GORASP1: variants seen among roughly 807,000 people sequenced by gnomAD.
GORASP1 encodes the protein Golgi reassembly-stacking protein 1.
Under a neutral mutation model 37.7 loss-of-function variants are expected in GORASP1, and 31 were observed. The observed-to-expected ratio is 0.82, with a 90% confidence interval of 0.62 to 1.11. The LOEUF (loss-of-function observed/expected upper bound fraction) is 1.11. Among genes scored for constraint, GORASP1 ranks in the 50% least tolerant of loss-of-function variants. The pLI is 0.00. For synonymous variants in GORASP1, 204 were observed against 224.8 expected (o/e 0.91, Z 0.83); for missense variants, 476 against 560.7 (o/e 0.85, Z 1.53).
Position 39,097,122 on chromosome 3 carries a change from T to G in GORASP1, c.*1114A>C, listed in dbSNP as rs2035393347. On this transcript the variant is annotated 3_prime_UTR_variant, in exon 9 of 9. Transcript: ENST00000319283. ...CCCCCAGAGCAGACATTCCTTGTCC[T>G]GCATACCTGACACAGCTTGTGAGTT... 1 of 152,284 alleles carries G rather than the reference T, an allele frequency of 6.6e-6. No individual in the cohort carries two copies. The highest frequency in any genetic ancestry group is 2.4e-5 in the African/African-American group (1 of 41,472). 9.4% of individuals were successfully genotyped at this position (152,284 alleles called of 1,614,324 possible).
intron 1 of GORASP1, among the ~76,000 whole-genome samples, chr3:39,104,211 G>GC (rs2035897945): frequency 1.3e-5 from 2 of 152,174 alleles, no homozygotes; most frequent in South Asian, 2.1e-4. Context: ...GGACTGAGGA[G>GC]CCCCCCAGTG....
Position 39,103,456 on chromosome 3 carries a change from CAGGT to C in GORASP1, c.144+13_144+16del. The C allele has an allele frequency of 1.9e-6, 3 of 1,601,184 alleles. No individual in the cohort carries two copies. In the East Asian group the frequency reaches 6.7e-5, roughly 36 times the overall value. On this transcript the variant is annotated intron_variant, in intron 2 of 8. Coordinates refer to ENST00000319283, the MANE Select transcript of GORASP1 (RefSeq NM_031899.4). This position sits in a 1 kb window ranked among gnomAD's most constrained non-coding sequence, Gnocchi z 5.2. ...CACACATAAGCAAGCAAAGCAGAGG[CAGGT>C]TGGGGAACTCACCAGCCTCGAGTGC... is the stretch of plus-strand genomic sequence containing the variant.
At position 39,103,144 on chromosome 3, in the gene GORASP1, G is replaced by A; in HGVS notation, c.145-263C>T. ...AACAAAGCAAGCAAAAAGCCTCCCA[G>A]ATCCACAGCATTCCAGTGCTGCCCC... On this transcript the variant is annotated intron_variant, in intron 2 of 8. Transcript: ENST00000319283. This position sits in a 1 kb window ranked among gnomAD's most constrained non-coding sequence, Gnocchi z 5.2. 1 of 598,046 alleles carries A rather than the reference G, an allele frequency of 1.7e-6. No homozygotes were observed. The highest frequency in any genetic ancestry group is 3.0e-6 in the Non-Finnish European group (1 of 336,180). 37.0% of individuals were successfully genotyped at this position (598,046 alleles called of 1,614,324 possible).
At chr3:39,104,434 G>C (rs1399893355) in intron 1 of GORASP1, among the ~76,000 whole-genome samples, 1 of 152,196 alleles carries the variant, frequency 6.6e-6, no homozygotes, top group Non-Finnish European at 1.5e-5. Context: ...AACAATGCAG[G>C]CTTTGTCCCA....
rs2035453104 is a variant in GORASP1, at chr3:39,098,214, G to A, written c.*22C>T. 2.5e-6 allele frequency: 4 copies of A among 1,609,460 alleles called. No individual in the cohort carries two copies. The highest frequency in any genetic ancestry group is 3.4e-6 in the Non-Finnish European group (4 of 1,177,428). ...CTGGGCCTCATGAAATGTCATCATG[G>A]GCCTTGTCACAGCCCAGGGTGTTAT... is the stretch of plus-strand genomic sequence containing the variant. On this transcript the variant is annotated 3_prime_UTR_variant, in exon 9 of 9. Transcript: ENST00000319283. The surrounding 1 kb of genome is among the most constrained non-coding windows in gnomAD (Gnocchi z 4.7).
rs1376276732 is a variant in GORASP1 at position 39,103,121 on chromosome 3, C to T, written c.145-240G>A. On this transcript the variant is annotated intron_variant, in intron 2 of 8. Coordinates refer to ENST00000319283, the MANE Select transcript of GORASP1 (RefSeq NM_031899.4). This position sits in a 1 kb window ranked among gnomAD's most constrained non-coding sequence, Gnocchi z 5.2. Reference sequence around the variant, plus strand: ...ACCTTCCTCAGCCTGCCAGAAAAAACAAAGCAAGCAAAAAGCCTCCCAGAT... The same window carrying T: ...ACCTTCCTCAGCCTGCCAGAAAAAATAAAGCAAGCAAAAAGCCTCCCAGAT... 5 of 603,078 alleles carry T rather than the reference C, an allele frequency of 8.3e-6. No individual in the cohort carries two copies. The highest frequency in any genetic ancestry group is 1.9e-5 in the African/African-American group (1 of 53,956). The allele number at this position is 603,078 out of a possible 1,614,324, so 37.4% of individuals were successfully genotyped here.
chr3:39,099,617 C>A, intron 6 of GORASP1, 114 bp from the exon 7 acceptor site: 1 of 1,123,552 alleles, frequency 8.9e-7, no homozygotes, highest in Non-Finnish European at 1.3e-6. Context: ...ACTGCTCTGC[C>A]TAAAGGAAGG....
intron 6 of GORASP1, 21 bp from the exon 7 acceptor site, chr3:39,099,524 G>A (rs745442098): frequency 6.2e-7 from 1 of 1,603,884 alleles, no homozygotes; most frequent in Admixed American, 1.7e-5. Flanking sequence ...AGAAGAAATG[G>A]GTAGGGGACA....
In GORASP1 at chr3:39,102,792, C is replaced by T. The variant is rs2035804708; in HGVS notation, c.234G>A (p.Arg78=). 3 of 1,614,232 alleles carry T rather than the reference C, an allele frequency of 1.9e-6. No homozygotes were observed. Among genetic ancestry groups the T allele is most frequent in the Non-Finnish European group, 2.5e-6 (3 of 1,180,048 alleles). Residue 78 remains arginine, a synonymous_variant, in exon 3 of 9, where the codon AGG becomes AGA. Transcript: ENST00000319283. The surrounding 1 kb of genome is among the most constrained non-coding windows in gnomAD (Gnocchi z 5.0). ...KLEVFNMKTM[R]VREVEVVPSN... ...TGGGCACCACCTCCACCTCGCGCACCCTCATGGTCTTCATATTGAACACCT... is the reference window on the plus strand; with the variant it reads ...TGGGCACCACCTCCACCTCGCGCACTCTCATGGTCTTCATATTGAACACCT...
At chr3:39,099,671 AG>A (rs1237989738) in intron 6 of GORASP1, among the ~76,000 whole-genome samples, 168 bp from the exon 7 acceptor site, 1 of 152,170 alleles carries the variant, frequency 6.6e-6, no homozygotes, top group Non-Finnish European at 1.5e-5. Flanking sequence ...GGTGATAGGA[AG>A]TCAGGCCTGA....
chr3:39,100,630 G>C lies in GORASP1; in HGVS notation c.566+117C>G. The C allele has an allele frequency of 6.7e-7, 1 of 1,491,204 alleles. No individual in the cohort carries two copies. The highest frequency in any genetic ancestry group is 9.0e-7 in the Non-Finnish European group (1 of 1,106,346). The allele number at this position is 1,491,204 out of a possible 1,614,324, so 92.4% of individuals were successfully genotyped here. On this transcript the variant is annotated intron_variant, in intron 5 of 8. Transcript: ENST00000319283. This position sits in a 1 kb window ranked among gnomAD's most constrained non-coding sequence, Gnocchi z 4.6. The stretch of plus-strand genomic sequence containing the variant: ...ACTTCTGAAATACCGGTCAGCCTCA[G>C]GATCCCTGGGCCCAGGGCCCAACCC...
At position 39,098,907 on chromosome 3, in the gene GORASP1, G is replaced by C; in HGVS notation, c.917-14C>G. On this transcript the variant is annotated splice_polypyrimidine_tract_variant and intron_variant, in intron 7 of 8. Coordinates refer to ENST00000319283, the MANE Select transcript of GORASP1 (RefSeq NM_031899.4). This position sits in a 1 kb window ranked among gnomAD's most constrained non-coding sequence, Gnocchi z 4.7. ...CGTCCAGGAAGCCTAGGGGAGGGTGGTGCAGTTCTTTGCCAGCAAGAAACC... is the reference window on the plus strand; with the variant it reads ...CGTCCAGGAAGCCTAGGGGAGGGTGCTGCAGTTCTTTGCCAGCAAGAAACC... 6.2e-7 allele frequency: 1 copy of C among 1,613,348 alleles called. No homozygotes were observed. The highest frequency in any genetic ancestry group is 8.5e-7 in the Non-Finnish European group (1 of 1,179,698).
Position 39,099,436 on chromosome 3 carries a change from CTG to C in GORASP1, c.831_832del (p.His277GlnfsTer6). On this transcript the variant is annotated frameshift_variant, in exon 7 of 9. Coordinates refer to ENST00000319283, the MANE Select transcript of GORASP1 (RefSeq NM_031899.4). LOFTEE classifies it high-confidence loss of function. ...GGGAAGTCCATCAGGGTCTGGAGCA[CTG>C]TGGCTGGGACTCCCAGGCCCAGGAA... 1 of 1,612,420 alleles carries C rather than the reference CTG, an allele frequency of 6.2e-7. No individual in the cohort carries two copies. Among genetic ancestry groups the C allele is most frequent in the Non-Finnish European group, 8.5e-7 (1 of 1,179,338 alleles).
chr3:39,101,109 A>G lies in GORASP1; in HGVS notation c.349-7T>C. The G allele has an allele frequency of 6.2e-7, 1 of 1,613,950 alleles. No homozygotes were observed. Among genetic ancestry groups the G allele is most frequent in the Non-Finnish European group, 8.5e-7 (1 of 1,179,848 alleles). On this transcript the variant is annotated splice_region_variant and splice_polypyrimidine_tract_variant and intron_variant, in intron 3 of 8. Coordinates refer to ENST00000319283, the MANE Select transcript of GORASP1 (RefSeq NM_031899.4). ...GTGAAGATGGTTCCACATCCTGGGG[A>G]AAGAACCGCAAACCACTGGCCATGC...
chr3:39,096,817 AAGTG>A lies in GORASP1; in HGVS notation c.*1415_*1418del, dbSNP rs1274648136. 2 of 152,138 alleles carry A rather than the reference AAGTG, an allele frequency of 1.3e-5. No homozygotes were observed. Among genetic ancestry groups the A allele is most frequent in the African/African-American group, 4.8e-5 (2 of 41,424 alleles). The allele number at this position is 152,138 out of a possible 1,614,324, so 9.4% of individuals were successfully genotyped here. On this transcript the variant is annotated 3_prime_UTR_variant, in exon 9 of 9. Transcript: ENST00000319283. Reference sequence around the variant, plus strand: ...CAACTTATGGGGGAAGGGAAAGTAAAAGTGAGGGAGGGAAGAGCCAGAACCTTTG... The same window carrying A: ...CAACTTATGGGGGAAGGGAAAGTAAAAGGGAGGGAAGAGCCAGAACCTTTG...
In GORASP1 at chr3:39,103,591, C is replaced by G. The variant is rs183201351; in HGVS notation, c.64-38G>C. On this transcript the variant is annotated intron_variant, in intron 1 of 8. Transcript: ENST00000319283. The surrounding 1 kb of genome is among the most constrained non-coding windows in gnomAD (Gnocchi z 5.2). ...AAAGACCACAGTCACTGCGCCAACC[C>G]TGGGACTCTCCAAGTAGCCCTCTCC... 6.5e-6 allele frequency: 10 copies of G among 1,535,094 alleles called. No homozygotes were observed. In the Admixed American group the frequency reaches 1.6e-4, roughly 25 times the overall value.
Position 39,102,589 on chromosome 3 carries a change from T to G in GORASP1, c.348+89A>C. 1 of 1,301,246 alleles carries G rather than the reference T, an allele frequency of 7.7e-7. No individual in the cohort carries two copies. The highest frequency in any genetic ancestry group is 1.1e-6 in the Non-Finnish European group (1 of 918,712). 80.6% of individuals were successfully genotyped at this position (1,301,246 alleles called of 1,614,324 possible). The stretch of plus-strand genomic sequence containing the variant: ...CCAAGGCTCCCACTCCACTCCTGCA[T>G]GTACCCCCTCACACCCCGCCCACAC... On this transcript the variant is annotated intron_variant, in intron 3 of 8. Coordinates refer to ENST00000319283, the MANE Select transcript of GORASP1 (RefSeq NM_031899.4). The surrounding 1 kb of genome is among the most constrained non-coding windows in gnomAD (Gnocchi z 5.0).
At chr3:39,099,928 G>A (rs919065567) in intron 6 of GORASP1, among the ~76,000 whole-genome samples, 1 of 152,222 alleles carries the variant, frequency 6.6e-6, no homozygotes, top group Non-Finnish European at 1.5e-5. Flanking sequence ...CTCATCAGCT[G>A]TGAAGGCAGG....
rs1198335364 is a variant in GORASP1 at position 39,107,515 on chromosome 3, C to G, written c.27G>C (p.Gln9His). MGLGVSAE[Q>H]PAGGAEGFHL... Reference sequence around the variant, plus strand: ...GGAAGCCCTCGGCGCCGCCTGCGGGCTGCTCAGCGCTGACGCCCAGGCCCA... The same window carrying G: ...GGAAGCCCTCGGCGCCGCCTGCGGGGTGCTCAGCGCTGACGCCCAGGCCCA... Residue 9 changes from glutamine to histidine, a missense_variant, in exon 1 of 9, where the codon CAG becomes CAC. Transcript: ENST00000319283. The G allele has an allele frequency of 6.8e-7, 1 of 1,475,932 alleles. No homozygotes were observed. Among genetic ancestry groups the G allele is most frequent in the Non-Finnish European group, 8.9e-7 (1 of 1,123,564 alleles). The allele number at this position is 1,475,932 out of a possible 1,614,324, so 91.4% of individuals were successfully genotyped here. A position where few individuals can be genotyped will look rare whatever the true frequency, so the allele number is the denominator to read the frequency against.
Sources: gnomAD v4.1 joint callset for allele counts (sites outside exome capture counted in the v4.1 genomes callset) on GRCh38, gnomAD v4.1.1 for gene constraint, Gnocchi (gnomAD v3.1) non-coding constraint, MANE v1.5 for transcripts, NCBI Gene and HGNC (gene_info 2026-07-23, HGNC 2026-07-21) for gene names.